The following DRG1 variants were observed in gnomAD, a reference collection of about 807,000 sequenced individuals.
DRG1 encodes the protein developmentally-regulated GTP-binding protein 1.
Under a neutral mutation model 38.8 loss-of-function variants are expected in DRG1, and 19 were observed. That is an observed-to-expected ratio of 0.49 (90% CI 0.34 to 0.72). DRG1 has a LOEUF of 0.72. DRG1 is among the 30% of genes least tolerant of loss of function. The pLI is 0.01. For missense variants in DRG1, 299 were observed against 444.8 expected (o/e 0.67, Z 2.95); for synonymous variants, 167 against 157.5 (o/e 1.06, Z -0.45).
At chr22:31,427,217 CTA>C (rs770560660) in intron 8 of DRG1, 35 bp downstream of exon 8, 2 of 1,605,246 alleles carry the variant, frequency 1.2e-6, no homozygotes, top group African/African-American at 2.7e-5. Flanking sequence ...CTCCTTTTTC[CTA>C]TGAGTTACCA....
chr22:31,416,772 G>A (rs59460919), intron 4 of DRG1, among the ~76,000 whole-genome samples: 593 of 151,948 alleles, frequency 3.9e-3, no homozygotes, highest in African/African-American at 0.013. Flanking sequence ...GCATGGTGGC[G>A]TGTGCCTATA....
chr22:31,401,740 A>G (rs2145856926), intron 2 of DRG1, among the ~76,000 whole-genome samples: 1 of 152,040 alleles, frequency 6.6e-6, no homozygotes, highest in South Asian at 2.1e-4. Flanking sequence ...TGGGTGATAG[A>G]GCGAGATCTC....
chr22:31,420,923 T>G (rs748089243), intron 5 of DRG1, among the ~76,000 whole-genome samples: 20 of 151,842 alleles, frequency 1.3e-4, no homozygotes, highest in Middle Eastern at 3.4e-3. Flanking sequence ...GAGATAAGAG[T>G]GTTGGTGTGA....
At chr22:31,410,740 G>A (rs1379202286) in intron 3 of DRG1, among the ~76,000 whole-genome samples, 1 of 151,878 alleles carries the variant, frequency 6.6e-6, no homozygotes, top group Non-Finnish European at 1.5e-5. Flanking sequence ...CCTTGAACCC[G>A]AGAGGCAGAG....
At chr22:31,400,510 G>C (rs2049955055) in intron 1 of DRG1, 110 bp from the exon 2 acceptor site, 7 of 1,419,470 alleles carry the variant, frequency 4.9e-6, no homozygotes, top group African/African-American at 1.4e-5. Context: ...TTTAAAGCCT[G>C]TAAACTGGGT....
intron 3 of DRG1, among the ~76,000 whole-genome samples, chr22:31,406,305 C>A (rs918889625): frequency 6.6e-6 from 1 of 152,106 alleles, no homozygotes; most frequent in Non-Finnish European, 1.5e-5. Context: ...TGGCCACTTA[C>A]CTGCTTTTTG....
intron 3 of DRG1, among the ~76,000 whole-genome samples, chr22:31,406,265 G>T (rs2049989810): frequency 2.0e-5 from 3 of 152,138 alleles, no homozygotes; most frequent in Admixed American, 1.3e-4. Context: ...CTCCCAAAAT[G>T]TTGGGATTAC....
chr22:31,403,859 C>T (rs1482642144), intron 3 of DRG1, among the ~76,000 whole-genome samples: 2 of 152,002 alleles, frequency 1.3e-5, no homozygotes, highest in African/African-American at 2.4e-5. Flanking sequence ...TCTGGGATCC[C>T]GTGTCCAAAT....
intron 4 of DRG1, among the ~76,000 whole-genome samples, chr22:31,415,718 C>A (rs958246359): frequency 6.6e-6 from 1 of 152,150 alleles, no homozygotes; most frequent in Admixed American, 6.6e-5. Flanking sequence ...CCTTATCTTT[C>A]CTTAGGTCTT....
intron 2 of DRG1, 79 bp downstream of exon 2, chr22:31,400,822 C>T: frequency 1.3e-6 from 2 of 1,491,780 alleles, no homozygotes; most frequent in Non-Finnish European, 1.8e-6. Context: ...TTAAAAATAA[C>T]TAAAGATGGC....
At chr22:31,427,998 C>T (rs1346532738) in intron 8 of DRG1, among the ~76,000 whole-genome samples, 1 of 152,042 alleles carries the variant, frequency 6.6e-6, no homozygotes, top group African/African-American at 2.4e-5. Context: ...GGATTACAGG[C>T]ATGAGCCACC....
chr22:31,402,637 T>A (rs2049969696), intron 2 of DRG1, among the ~76,000 whole-genome samples: 1 of 151,462 alleles, frequency 6.6e-6, no homozygotes, highest in Non-Finnish European at 1.5e-5. Flanking sequence ...GCCTCTGAAG[T>A]AGCTGAGACC....
chr22:31,413,618 T>G (rs1451489645), intron 4 of DRG1, among the ~76,000 whole-genome samples: 2 of 138,544 alleles, frequency 1.4e-5, no homozygotes, highest in South Asian at 2.4e-4. Flanking sequence ...GGTTTTTTTT[T>G]TTTTTTTTTT....
chr22:31,413,129 C>G (rs1034033649), intron 4 of DRG1, among the ~76,000 whole-genome samples: 3 of 152,152 alleles, frequency 2.0e-5, no homozygotes, highest in Admixed American at 1.3e-4. Flanking sequence ...GAGTCTCACT[C>G]TGTCACCCAG....
chr22:31,429,780 G>A (rs369297952), intron 8 of DRG1, among the ~76,000 whole-genome samples: 1 of 152,048 alleles, frequency 6.6e-6, no homozygotes, highest in Non-Finnish European at 1.5e-5. Flanking sequence ...TGAGTAGTTG[G>A]AACTCCAAGT....
chr22:31,427,971 A>T (rs111409625), intron 8 of DRG1, among the ~76,000 whole-genome samples: 2,076 of 152,100 alleles, frequency 0.014, 53 homozygotes, highest in African/African-American at 0.047. Flanking sequence ...TCTTGACCTC[A>T]GCCCCCCAAA....
chr22:31,412,946 G>A (rs2050025828), intron 4 of DRG1, among the ~76,000 whole-genome samples: 1 of 151,508 alleles, frequency 6.6e-6, no homozygotes, highest in Admixed American at 6.6e-5. Flanking sequence ...CCCTTTCCTG[G>A]TGTGGTAGAC....
rs1320751581 is a variant in DRG1, at chr22:31,400,634, A to G, written c.57A>G (p.Gln19=). 3 of 1,613,062 alleles carry G rather than the reference A, an allele frequency of 1.9e-6. No individual in the cohort carries two copies. The highest frequency in any genetic ancestry group is 2.5e-6 in the Non-Finnish European group (3 of 1,179,350). ...CTCCCTTTTAGATGGCTCGGACTCA[A>G]AAGAACAAGGCCACAGCACACCACT... is the stretch of plus-strand genomic sequence containing the variant. ...AEIEAEMART[Q]KNKATAHHLG... is the part of the protein sequence containing the mutation. The change falls in exon 2 of 9, where the codon CAA becomes CAG. Residue 19 remains glutamine, a synonymous_variant. Coordinates refer to ENST00000331457, the MANE Select transcript of DRG1 (RefSeq NM_004147.4).
chr22:31,425,588 G>A (rs1385285732), intron 6 of DRG1, among the ~76,000 whole-genome samples: 1 of 151,982 alleles, frequency 6.6e-6, no homozygotes, highest in Non-Finnish European at 1.5e-5. Flanking sequence ...CTATGGGCGT[G>A]TGCCACCAAG....
Sources: gnomAD v4.1 joint callset for allele counts (sites outside exome capture counted in the v4.1 genomes callset) on GRCh38, gnomAD v4.1.1 for gene constraint, MANE v1.5 for transcripts, NCBI Gene and HGNC (gene_info 2026-07-23, HGNC 2026-07-21) for gene names.